The following RUSF1 variants were observed in gnomAD, a reference collection of about 807,000 sequenced individuals.
RUSF1 encodes the protein RUS1 family protein C16orf58.
In RUSF1, 58 loss-of-function variants were observed where a neutral mutation model predicts 63.0. That is an observed-to-expected ratio of 0.92 (90% CI 0.75 to 1.15). RUSF1 has a LOEUF of 1.15. Ranked by LOEUF, RUSF1 falls within the 50% of genes most tolerant of loss-of-function variation. RUSF1 has a pLI of 0.00. For synonymous variants in RUSF1, 274 were observed against 255.8 expected (o/e 1.07, Z -0.68); for missense variants, 652 against 611.0 (o/e 1.07, Z -0.71).
At chr16:31,496,457 G>A (rs1482015915) in intron 6 of RUSF1, among the ~76,000 whole-genome samples, 3 of 152,194 alleles carry the variant, frequency 2.0e-5, no homozygotes, top group African/African-American at 7.2e-5. Context: ...TCCCTAGGGT[G>A]GGCAAGGGGG....
chr16:31,492,463 C>A (rs541989256), intron 10 of RUSF1, 123 bp from the exon 11 acceptor site: 2 of 1,136,168 alleles, frequency 1.8e-6, no homozygotes. Context: ...GCTAGCACCT[C>A]ACCCTTTCCT....
At chr16:31,496,759 T>C (rs2082605302) in intron 6 of RUSF1, 90 bp downstream of exon 6, 1 of 1,124,412 alleles carries the variant, frequency 8.9e-7, no homozygotes. Context: ...TACTTCTTCC[T>C]GTGTGTTCCT....
rs765737364 is a variant in RUSF1 at position 31,508,308 on chromosome 16, C to G, written c.66G>C (p.Arg22=). Residue 22 remains arginine, a synonymous_variant, in exon 1 of 13, where the codon CGG becomes CGC. Transcript: ENST00000327237. ...TCCCGTCCGCGGCGGCGCGGCAGCC[C>G]CGTGCCTCCCCGGAGCCGAACTGCT... ...CSEQFGSGEA[R]GCRAAADGSL... 7 of 1,577,080 alleles carry G rather than the reference C, an allele frequency of 4.4e-6. No individual in the cohort carries two copies. Among genetic ancestry groups the G allele is most frequent in the Non-Finnish European group, 6.0e-6 (7 of 1,165,036 alleles).
At chr16:31,505,638 G>A (rs900563806) in intron 2 of RUSF1, among the ~76,000 whole-genome samples, 3 of 152,158 alleles carry the variant, frequency 2.0e-5, no homozygotes, top group Non-Finnish European at 4.4e-5. Context: ...GGATGTGGGA[G>A]GGGATTACTG....
rs148186423 is a variant in RUSF1 at position 31,490,232 on chromosome 16, T to C, written c.*603A>G. ...CAGAGAGTGCCATGGAGATGAATGG[T>C]AGGGCACCATGCTGGGAGGTGGGGC... On this transcript the variant is annotated 3_prime_UTR_variant, in exon 13 of 13. Coordinates refer to ENST00000327237, the MANE Select transcript of RUSF1 (RefSeq NM_022744.4). 8.7e-6 allele frequency: 14 copies of C among 1,613,988 alleles called. No individual in the cohort carries two copies. In the African/African-American group the frequency reaches 1.6e-4, roughly 18 times the overall value.
Position 31,490,157 on chromosome 16 carries a change from G to T in RUSF1, c.*678C>A, listed in dbSNP as rs767926604. ...ATAGCAAGGAGGAACGGGAGGACCT[G>T]GATGCTGATGAGCAGCAAGGCTCCT... On this transcript the variant is annotated 3_prime_UTR_variant, in exon 13 of 13. Transcript: ENST00000327237. The T allele has an allele frequency of 6.2e-6, 10 of 1,614,060 alleles. No homozygotes were observed. In the Admixed American group the frequency reaches 1.7e-4, roughly 27 times the overall value.
At chr16:31,497,973 C>T (rs1462434129) in intron 5 of RUSF1, among the ~76,000 whole-genome samples, 2 of 152,138 alleles carry the variant, frequency 1.3e-5, no homozygotes, top group African/African-American at 2.4e-5. Context: ...TGGGAAGCAA[C>T]GGTGCTCTCT....
At chr16:31,495,306 G>A (rs1194810280) in intron 6 of RUSF1, among the ~76,000 whole-genome samples, 1 of 152,158 alleles carries the variant, frequency 6.6e-6, no homozygotes, top group Non-Finnish European at 1.5e-5. Flanking sequence ...GCCCTCCTGG[G>A]AAGGGCATAT....
chr16:31,496,608 G>C (rs531376793), intron 6 of RUSF1, among the ~76,000 whole-genome samples: 1 of 152,314 alleles, frequency 6.6e-6, no homozygotes, highest in Admixed American at 6.5e-5. Flanking sequence ...TTGCACGGTG[G>C]GGTCTGAAGA....
chr16:31,507,124 G>T (rs888977814), intron 2 of RUSF1, among the ~76,000 whole-genome samples: 2 of 152,202 alleles, frequency 1.3e-5, no homozygotes, highest in Admixed American at 1.3e-4. Context: ...TATCCCCTGC[G>T]AGCAGTAGTG....
intron 6 of RUSF1, among the ~76,000 whole-genome samples, chr16:31,494,896 G>C (rs2082594142): frequency 6.6e-6 from 1 of 152,084 alleles, no homozygotes; most frequent in Non-Finnish European, 1.5e-5. Flanking sequence ...GGCTGATCTT[G>C]AACTCCTGGG....
intron 6 of RUSF1, among the ~76,000 whole-genome samples, 161 bp downstream of exon 6, chr16:31,496,688 C>T (rs528938353): frequency 6.6e-5 from 10 of 152,286 alleles, no homozygotes; most frequent in African/African-American, 1.9e-4. Context: ...TCGGACTTGC[C>T]GCCACCAGAG....
rs780387504 is a variant in RUSF1 at position 31,490,907 on chromosome 16, G to A, written c.1335C>T (p.Thr445=). Reference sequence around the variant, plus strand: ...CATCCACCTCTAGCTGGTGCTTCTCGGTCTTCCAGCCGGCATCCTGCAGTC... The same window carrying A: ...CATCCACCTCTAGCTGGTGCTTCTCAGTCTTCCAGCCGGCATCCTGCAGTC... ...LKGLQDAGWK[T]EKHQLEVDEW... The change falls in exon 13 of 13, where the codon ACC becomes ACT. Residue 445 remains threonine (T), a synonymous_variant. Coordinates refer to ENST00000327237, the MANE Select transcript of RUSF1 (RefSeq NM_022744.4). The A allele has an allele frequency of 1.1e-5, 18 of 1,613,982 alleles. No homozygotes were observed. Among genetic ancestry groups the A allele is most frequent in the East Asian group, 4.5e-5 (2 of 44,896 alleles).
At chr16:31,507,978 C>A in intron 1 of RUSF1, 96 bp downstream of exon 1, 3 of 1,536,098 alleles carry the variant, frequency 2.0e-6, no homozygotes, top group Non-Finnish European at 2.6e-6. Context: ...CATGTCAGAC[C>A]CCCCGCCCCC....
chr16:31,490,133 T>G lies in RUSF1; in HGVS notation c.*702A>C. The G allele has an allele frequency of 4.3e-6, 7 of 1,614,006 alleles. No homozygotes were observed. Among genetic ancestry groups the G allele is most frequent in the Non-Finnish European group, 5.9e-6 (7 of 1,180,008 alleles). On this transcript the variant is annotated 3_prime_UTR_variant, in exon 13 of 13. Transcript: ENST00000327237. ...ACCGCCTGGTCTTCAGTCTCCGGCA[T>G]AGCAAGGAGGAACGGGAGGACCTGG...
intron 2 of RUSF1, among the ~76,000 whole-genome samples, chr16:31,501,286 A>T (rs77677675): frequency 0.013 from 1,961 of 152,002 alleles, 47 homozygotes; most frequent in African/African-American, 0.045. Flanking sequence ...ATTATGGGAT[A>T]AATAAATAAA....
chr16:31,507,012 GATCT>G (rs1280447447), intron 2 of RUSF1, among the ~76,000 whole-genome samples: 3 of 152,228 alleles, frequency 2.0e-5, no homozygotes, highest in Non-Finnish European at 4.4e-5. Context: ...CTTTTCCTTA[GATCT>G]ATTAGGTTGG....
intron 12 of RUSF1, among the ~76,000 whole-genome samples, chr16:31,491,174 C>T (rs575641638): frequency 6.6e-5 from 10 of 152,328 alleles, no homozygotes; most frequent in Admixed American, 6.5e-4. Flanking sequence ...GTGAGGGCCT[C>T]CCTGCTCCAT....
rs763479578 is a variant in RUSF1 at position 31,493,492 on chromosome 16, C to A, written c.991G>T (p.Val331Phe). The change falls in exon 9 of 13, where the codon GTC (valine) becomes TTC (phenylalanine). Residue 331 changes from valine (V) to phenylalanine (F), a missense_variant. By Grantham distance (50) the Val-to-Phe change is conservative. Transcript: ENST00000327237. ...CTGGAGACCAAGCGGTGTAAGGGGA[C>A]CCCCAGGGATAGAGACGGAGCTGGC... ...FWPAPSLSLG[V>F]PLHRLVSSVF... 3 of 1,611,048 alleles carry A rather than the reference C, an allele frequency of 1.9e-6. No homozygotes were observed. The African/African-American group carries it at 4.0e-5, about 22-fold the overall frequency.
Sources: allele counts gnomAD v4.1 joint callset (sites outside exome capture counted in the v4.1 genomes callset), GRCh38; gene constraint gnomAD v4.1.1; transcripts MANE v1.5; gene names NCBI Gene and HGNC (gene_info 2026-07-23, HGNC 2026-07-21).